The following SPAG9 variants were observed in gnomAD, a reference collection of about 807,000 sequenced individuals.
SPAG9 encodes the protein C-Jun-amino-terminal kinase-interacting protein 4.
In SPAG9, 35 loss-of-function variants were observed where a neutral mutation model predicts 166.5. That is an observed-to-expected ratio of 0.21 (90% CI 0.16 to 0.28). The LOEUF (loss-of-function observed/expected upper bound fraction) is 0.28. SPAG9 is among the 10% of genes least tolerant of loss of function. The probability of loss-of-function intolerance (pLI) is 1.00; values close to 1 mark genes in which losing one functional copy is unlikely to be tolerated. For missense variants in SPAG9, 1,235 were observed against 1,603.3 expected, an observed-to-expected ratio of 0.77 and a Z score of 3.92; for synonymous variants, 534 against 565.5, an observed-to-expected ratio of 0.94 and a Z score of 0.79.
Position 51,003,601 on chromosome 17 carries a change from A to C in SPAG9, c.1476+1611T>G, listed in dbSNP as rs528491733. ...TTACTCTTAGACAGAGTATGTGAAT[A>C]TAGAGTGAGCACAGGGGTAAGACCT... On this transcript the variant is annotated intron_variant, in intron 12 of 29. Transcript: ENST00000262013. Among the ~76,000 whole-genome samples the C allele has an allele frequency of 1.9e-4, 29 of 152,312 alleles. No homozygotes were observed. The East Asian group carries it at 4.2e-3, about 22-fold the overall frequency.
intron 6 of SPAG9, among the ~76,000 whole-genome samples, chr17:51,030,628 G>A (rs2046348665): frequency 6.6e-6 from 1 of 152,134 alleles, no homozygotes; most frequent in Admixed American, 6.5e-5. Flanking sequence ...CTAAGAGTCT[G>A]TGACCCAAAG....
intron 13 of SPAG9, among the ~76,000 whole-genome samples, chr17:51,000,654 C>T (rs1391242950): frequency 2.0e-5 from 3 of 151,984 alleles, no homozygotes; most frequent in Admixed American, 2.0e-4. Flanking sequence ...ACTGCTTGAA[C>T]CCAGGGGGTG....
At chr17:51,025,480 A>C (rs1209646706) in intron 6 of SPAG9, among the ~76,000 whole-genome samples, 3 of 152,042 alleles carry the variant, frequency 2.0e-5, no homozygotes, top group Non-Finnish European at 2.9e-5. Context: ...AAAAAAAAAA[A>C]AAACTGACAG....
rs1442769384 is a variant in SPAG9 at position 50,998,753 on chromosome 17, T to C, written c.1665-136A>G. 4.1e-6 allele frequency: 3 copies of C among 733,438 alleles called. No individual in the cohort carries two copies. In the African/African-American group the frequency reaches 5.3e-5, roughly 13 times the overall value. The allele number at this position is 733,438 out of a possible 1,614,324, so 45.4% of individuals were successfully genotyped here. On this transcript the variant is annotated intron_variant, in intron 14 of 29. Coordinates refer to ENST00000262013, the MANE Select transcript of SPAG9 (RefSeq NM_001130528.3). ...AGTTAGAAATTGGCAAAAACAGTTT[T>C]TGTAGTCATACGCTGTAGCCTTAGC...
intron 4 of SPAG9, chr17:51,046,719 G>A (rs2144449729): frequency 2.0e-6 from 3 of 1,535,836 alleles, no homozygotes; most frequent in Non-Finnish European, 8.7e-7. Flanking sequence ...GGGGCCAAAG[G>A]GGTATCTTTG....
intron 2 of SPAG9, among the ~76,000 whole-genome samples, chr17:51,071,155 G>A (rs78504634): frequency 1.3e-5 from 2 of 152,084 alleles, no homozygotes; most frequent in East Asian, 3.9e-4. Context: ...CAGAATGCTA[G>A]GCATACTGGA....
chr17:51,113,636 C>T (rs2049190893), intron 1 of SPAG9, among the ~76,000 whole-genome samples: 1 of 149,334 alleles, frequency 6.7e-6, no homozygotes, highest in Non-Finnish European at 1.5e-5. Flanking sequence ...GCCAAGATCG[C>T]GCTACTGCAC....
chr17:51,054,451 T>G (rs1168516031), intron 3 of SPAG9, among the ~76,000 whole-genome samples: 1 of 150,464 alleles, frequency 6.6e-6, no homozygotes, highest in African/African-American at 2.5e-5. Context: ...GCTTTTTTTT[T>G]TTTGAGACGG....
chr17:51,118,584 T>C (rs1318543690), intron 1 of SPAG9, among the ~76,000 whole-genome samples: 2 of 152,208 alleles, frequency 1.3e-5, no homozygotes, highest in Non-Finnish European at 2.9e-5. Flanking sequence ...GTCACTTCCA[T>C]GTATATCCAC....
chr17:51,120,754 A>C lies in SPAG9; in HGVS notation c.-98T>G. The C allele has an allele frequency of 9.2e-7, 1 of 1,085,880 alleles. No individual in the cohort carries two copies. Among genetic ancestry groups the C allele is most frequent in the Non-Finnish European group, 1.3e-6 (1 of 792,806 alleles). 67.3% of individuals were successfully genotyped at this position (1,085,880 alleles called of 1,614,324 possible). A position where few individuals can be genotyped will look rare whatever the true frequency, so the allele number is the denominator to read the frequency against. On this transcript the variant is annotated 5_prime_UTR_variant, in exon 1 of 30. Coordinates refer to ENST00000262013, the MANE Select transcript of SPAG9 (RefSeq NM_001130528.3). The surrounding 1 kb of genome is among the most constrained non-coding windows in gnomAD (Gnocchi z 4.7). ...CCCGACTCGGGCTGGGACGGGTACTAGGGCTGGAGCCCGGGCCGGGGCTGG... is the reference window on the plus strand; with the variant it reads ...CCCGACTCGGGCTGGGACGGGTACTCGGGCTGGAGCCCGGGCCGGGGCTGG...
intron 12 of SPAG9, among the ~76,000 whole-genome samples, chr17:51,004,148 TA>T (rs2045090082): frequency 6.6e-6 from 1 of 152,222 alleles, no homozygotes; most frequent in South Asian, 2.1e-4. Flanking sequence ...ACATATGTGA[TA>T]TGATAAAATT....
At chr17:51,012,071 G>C (rs1363502578) in intron 9 of SPAG9, among the ~76,000 whole-genome samples, 2 of 152,062 alleles carry the variant, frequency 1.3e-5, no homozygotes, top group Non-Finnish European at 2.9e-5. Context: ...GAATTTTGTG[G>C]GGTGATGTAT....
chr17:51,026,865 G>A (rs918253668), intron 6 of SPAG9, among the ~76,000 whole-genome samples: 6 of 151,600 alleles, frequency 4.0e-5, no homozygotes, highest in Admixed American at 2.6e-4. Context: ...TAGTAGAGAC[G>A]AGGTTTCTCC....
intron 1 of SPAG9, among the ~76,000 whole-genome samples, chr17:51,090,522 T>C (rs1364307846): frequency 1.3e-5 from 2 of 152,106 alleles, no homozygotes; most frequent in African/African-American, 4.8e-5. Context: ...AAAGATTACA[T>C]TCATCCATCT....
chr17:50,977,364 A>G (rs188131102), intron 26 of SPAG9, 143 bp from the exon 27 acceptor site: 9 of 632,776 alleles, frequency 1.4e-5, no homozygotes, highest in East Asian at 8.4e-5. Context: ...ACACAGAGGA[A>G]ATGTGACTAG....
chr17:51,059,370 T>C (rs940614074), intron 2 of SPAG9, among the ~76,000 whole-genome samples: 2 of 152,054 alleles, frequency 1.3e-5, no homozygotes, highest in African/African-American at 2.4e-5. Context: ...ACATGTAGAA[T>C]GGGATTTAAA....
chr17:51,060,782 T>C (rs534266661), intron 2 of SPAG9, among the ~76,000 whole-genome samples: 1 of 152,020 alleles, frequency 6.6e-6, no homozygotes, highest in Non-Finnish European at 1.5e-5. Flanking sequence ...GTCTGTAATA[T>C]TTTGTTATGG....
rs562747264 is a variant in SPAG9 at position 51,068,016 on chromosome 17, C to T, written c.425-11534G>A. ...CCCCATCAGACTGCTGATAGGCCTA[C>T]GGGGGGAAGAAAGAGAAACAGACCT... On this transcript the variant is annotated intron_variant, in intron 2 of 29. Coordinates refer to ENST00000262013, the MANE Select transcript of SPAG9 (RefSeq NM_001130528.3). Among the ~76,000 whole-genome samples, 273 of 152,224 alleles carry T rather than the reference C, an allele frequency of 1.8e-3. 1 individual carries two copies. The highest frequency in any genetic ancestry group is 6.0e-3 in the African/African-American group (251 of 41,534).
chr17:51,053,858 T>A lies in SPAG9; in HGVS notation c.495+2554A>T, dbSNP rs1198518885. On this transcript the variant is annotated intron_variant, in intron 3 of 29. Transcript: ENST00000262013. ...AATTAAAAAAAAAAAAAAAAAAGTA[T>A]ATATATATATATATATATATATATA... Among the ~76,000 whole-genome samples the A allele has an allele frequency of 4.8e-3, 173 of 36,204 alleles. 6 individuals are homozygous for A. Among genetic ancestry groups the A allele is most frequent in the South Asian group, 0.017 (16 of 940 alleles). 23.8% of individuals were successfully genotyped at this position (36,204 alleles called of 152,430 possible). A position where few individuals can be genotyped will look rare whatever the true frequency, so the allele number is the denominator to read the frequency against.
Sources: allele counts gnomAD v4.1 joint callset (sites outside exome capture counted in the v4.1 genomes callset), GRCh38; gene constraint gnomAD v4.1.1; non-coding constraint Gnocchi (gnomAD v3.1); transcripts MANE v1.5; gene names NCBI Gene and HGNC (gene_info 2026-07-23, HGNC 2026-07-21).